Variants in WDR33 observed in about 807,000 individuals in gnomAD.
The protein encoded by WDR33 is WD repeat domain 33.
In WDR33, 47 loss-of-function variants were observed where a neutral mutation model predicts 164.9. The ratio of observed to expected loss-of-function variants is 0.29; its 90% CI spans 0.23 to 0.36. The LOEUF is 0.36. WDR33 is among the 10% of genes least tolerant of loss of function. The pLI, the probability that WDR33 is intolerant of heterozygous loss-of-function variation, is 1.00. For synonymous variants in WDR33, 505 were observed against 589.0 expected (o/e 0.86, Z 2.06); for missense variants, 1,137 against 1,754.1 (o/e 0.65, Z 6.28).
chr2:127,745,154 G>A (rs553518995), intron 7 of WDR33, among the ~76,000 whole-genome samples: 5 of 152,234 alleles, frequency 3.3e-5, no homozygotes, highest in South Asian at 2.1e-4. Context: ...TACTGAGAGC[G>A]GCCTTCAGTG....
intron 1 of WDR33, among the ~76,000 whole-genome samples, chr2:127,788,626 CG>C (rs1688713305): frequency 7.6e-6 from 1 of 131,412 alleles, no homozygotes; most frequent in Non-Finnish European, 1.7e-5. Flanking sequence ...ACCTCCCGGA[CG>C]GGGCGGCTGG....
chr2:127,767,531 G>A (rs1311993105), intron 4 of WDR33, among the ~76,000 whole-genome samples: 1 of 151,956 alleles, frequency 6.6e-6, no homozygotes, highest in African/African-American at 2.4e-5. Context: ...GGCTAACACG[G>A]TGAAACCCCG....
intron 3 of WDR33, 97 bp from the exon 4 acceptor site, chr2:127,768,390 A>G: frequency 1.5e-6 from 1 of 664,796 alleles, no homozygotes; most frequent in Non-Finnish European, 2.4e-6. Flanking sequence ...TTTAAAGACA[A>G]ATTTGGGACC....
At position 127,788,227 on chromosome 2, in the gene WDR33, C is replaced by T. The variant is rs1334398038; in HGVS notation, c.-23-17223G>A. Among the ~76,000 whole-genome samples the T allele has an allele frequency of 6.1e-4, 77 of 126,846 alleles. 1 individual carries two copies. The highest frequency in any genetic ancestry group is 7.5e-4 in the Non-Finnish European group (45 of 60,176). The allele number at this position is 126,846 out of a possible 152,430, so 83.2% of individuals were successfully genotyped here. ...CCCCCCACCTCCCTCCCGGACAGGG[C>T]GGCTGGCCAGGCAGGGGGCTGACCC... is the stretch of plus-strand genomic sequence containing the variant. On this transcript the variant is annotated intron_variant, in intron 1 of 21. Coordinates refer to ENST00000322313, the MANE Select transcript of WDR33 (RefSeq NM_018383.5).
chr2:127,740,373 G>A (rs1217603233), intron 7 of WDR33, among the ~76,000 whole-genome samples: 5 of 129,708 alleles, frequency 3.9e-5, no homozygotes, highest in Non-Finnish European at 8.6e-5. Flanking sequence ...ACACACACAC[G>A]GATTTGTATT....
At position 127,701,620 on chromosome 2, in the gene WDR33, AGGCGGAGGAGCCCGGGGACCGGCC is replaced by A. The variant is rs1685881744; in HGVS notation, c.*4679_*4702del. On this transcript the variant is annotated 3_prime_UTR_variant, in exon 22 of 22. Transcript: ENST00000322313. ...GCGGAGCCGCTGCTCGCCGCGGAGA[AGGCGGAGGAGCCCGGGGACCGGCC>A]GGCGGAGGAGTGGCTGGGCCGCGCG... 1 of 1,334,176 alleles carries A rather than the reference AGGCGGAGGAGCCCGGGGACCGGCC, an allele frequency of 7.5e-7. No individual in the cohort carries two copies. Among genetic ancestry groups the A allele is most frequent in the Non-Finnish European group, 9.6e-7 (1 of 1,044,758 alleles). 82.6% of individuals were successfully genotyped at this position (1,334,176 alleles called of 1,614,324 possible).
In WDR33 at chr2:127,722,837, A is replaced by G. The variant is rs1686472553; in HGVS notation, c.1379-107T>C. ...AGATTTTAAGTATTATGTCATTTAT[A>G]TAATTTTTATCAACATTTCTCAACA... On this transcript the variant is annotated intron_variant, in intron 13 of 21. Coordinates refer to ENST00000322313, the MANE Select transcript of WDR33 (RefSeq NM_018383.5). The surrounding 1 kb of genome is among the most constrained non-coding windows in gnomAD (Gnocchi z 5.1). 1.4e-6 allele frequency: 2 copies of G among 1,413,310 alleles called. No homozygotes were observed. Among genetic ancestry groups the G allele is most frequent in the East Asian group, 4.9e-5 (2 of 41,172 alleles). The allele number at this position is 1,413,310 out of a possible 1,614,324, so 87.5% of individuals were successfully genotyped here. A position where few individuals can be genotyped will look rare whatever the true frequency, so the allele number is the denominator to read the frequency against.
intron 1 of WDR33, among the ~76,000 whole-genome samples, chr2:127,792,359 T>C (rs1263905564): frequency 1.3e-5 from 2 of 152,122 alleles, no homozygotes; most frequent in Non-Finnish European, 2.9e-5. Context: ...GAGATGTTTA[T>C]TAGCAATTTA....
intron 7 of WDR33, among the ~76,000 whole-genome samples, chr2:127,746,695 C>T (rs1019092061): frequency 1.3e-5 from 2 of 152,180 alleles, no homozygotes; most frequent in African/African-American, 2.4e-5. Context: ...AGAGGAAATA[C>T]GGAGATTGTG....
intron 1 of WDR33, among the ~76,000 whole-genome samples, chr2:127,801,870 T>C (rs1689262372): frequency 6.7e-6 from 1 of 149,966 alleles, no homozygotes; most frequent in African/African-American, 2.5e-5. Flanking sequence ...GGTGATACAG[T>C]GAGACTCCAT....
chr2:127,709,791 G>A lies in WDR33; in HGVS notation c.3374C>T (p.Pro1125Leu). Reference sequence around the variant, plus strand: ...CTCTGGACCAAAGTCTTCAGGACCAGGAAAACCATCCCTTCCTCTGGGGGG... The same window carrying A: ...CTCTGGACCAAAGTCTTCAGGACCAAGAAAACCATCCCTTCCTCTGGGGGG... ...RAPPRGRDGF[P>L]GPEDFGPEEN... Residue 1125 changes from proline (P) to leucine (L), a missense_variant, in exon 19 of 22, where the codon CCT becomes CTT. Transcript: ENST00000322313. This position sits in a 1 kb window ranked among gnomAD's most constrained non-coding sequence, Gnocchi z 5.0. The A allele has an allele frequency of 2.5e-6, 4 of 1,614,228 alleles. No individual in the cohort carries two copies. The highest frequency in any genetic ancestry group is 1.7e-5 in the Admixed American group (1 of 60,030).
Position 127,718,353 on chromosome 2 carries a change from G to A in WDR33, c.2760+912C>T, listed in dbSNP as rs1430074437. 2.0e-5 allele frequency among the ~76,000 whole-genome samples: 3 copies of A among 151,878 alleles called. No individual in the cohort carries two copies. The highest frequency in any genetic ancestry group is 4.4e-5 in the Non-Finnish European group (3 of 67,990). Reference sequence around the variant, plus strand: ...ACTCGCTCACTTTTGGTCCACACTGGACCAAAAGTGAGTTTTCAGGGACAA... The same window carrying A: ...ACTCGCTCACTTTTGGTCCACACTGAACCAAAAGTGAGTTTTCAGGGACAA... On this transcript the variant is annotated intron_variant, in intron 16 of 21. Transcript: ENST00000322313. The surrounding 1 kb of genome is among the most constrained non-coding windows in gnomAD (Gnocchi z 4.4).
chr2:127,795,348 C>T (rs540977860), intron 1 of WDR33, among the ~76,000 whole-genome samples: 2 of 151,964 alleles, frequency 1.3e-5, no homozygotes, highest in East Asian at 3.9e-4. Flanking sequence ...ATCTGCCCAC[C>T]TCAGCCTCCC....
intron 1 of WDR33, among the ~76,000 whole-genome samples, chr2:127,797,964 A>C (rs193240757): frequency 6.6e-6 from 1 of 152,158 alleles, no homozygotes; most frequent in Non-Finnish European, 1.5e-5. Context: ...CAGTAAGCCA[A>C]GATGACACCA....
chr2:127,777,327 G>C (rs1052365056), intron 1 of WDR33, among the ~76,000 whole-genome samples: 1 of 152,192 alleles, frequency 6.6e-6, no homozygotes, highest in Admixed American at 6.5e-5. Flanking sequence ...TCGCAGAACA[G>C]TAGTTTTCAG....
chr2:127,759,815 AG>A (rs1489533270), intron 7 of WDR33, among the ~76,000 whole-genome samples: 1 of 152,076 alleles, frequency 6.6e-6, no homozygotes, highest in Non-Finnish European at 1.5e-5. Flanking sequence ...CCGAGGCAGG[AG>A]GATCCCTTGA....
At position 127,735,650 on chromosome 2, in the gene WDR33, A is replaced by AC; in HGVS notation, c.725-8874dup. 1.0e-6 allele frequency: 1 copy of AC among 985,876 alleles called. No homozygotes were observed. Among genetic ancestry groups the AC allele is most frequent in the South Asian group, 4.7e-5 (1 of 21,290 alleles). 61.1% of individuals were successfully genotyped at this position (985,876 alleles called of 1,614,324 possible). On this transcript the variant is annotated intron_variant, in intron 7 of 21. Transcript: ENST00000322313. The surrounding 1 kb of genome is among the most constrained non-coding windows in gnomAD (Gnocchi z 4.3). ...ACTCAGGCTACTTCTAGCCACAAGA[A>AC]CATAAAATGTAACAGATCAGTTTAA...
At chr2:127,736,784 C>T in intron 7 of WDR33, 1 of 985,320 alleles carries the variant, frequency 1.0e-6, no homozygotes, top group Non-Finnish European at 1.2e-6. Flanking sequence ...CAAATAAAAA[C>T]ATATACAGGT....
intron 8 of WDR33, among the ~76,000 whole-genome samples, chr2:127,725,787 G>T (rs1390212896): frequency 6.6e-6 from 1 of 150,380 alleles, no homozygotes; most frequent in African/African-American, 2.4e-5. Context: ...TAATACAGTA[G>T]CAGAGCTTCC....
Sources: gnomAD v4.1 joint callset for allele counts (sites outside exome capture counted in the v4.1 genomes callset) on GRCh38, gnomAD v4.1.1 for gene constraint, Gnocchi (gnomAD v3.1) non-coding constraint, MANE v1.5 for transcripts, NCBI Gene and HGNC (gene_info 2026-07-23, HGNC 2026-07-21) for gene names.